The following GGPS1 variants were observed in gnomAD, a reference collection of about 807,000 sequenced individuals.
GGPS1 encodes the protein geranylgeranyl diphosphate synthase 1.
A neutral mutation model predicts 28.1 loss-of-function variants in GGPS1; 15 were observed. That is an observed-to-expected ratio of 0.53 (90% CI 0.36 to 0.82). The LOEUF is 0.82. GGPS1 is among the 40% of genes least tolerant of loss of function. GGPS1 has a pLI of 0.01. For missense variants in GGPS1, 284 were observed against 348.3 expected (o/e 0.82, Z 1.47); for synonymous variants, 138 against 122.4 (o/e 1.13, Z -0.84).
At position 235,343,106 on chromosome 1, in the gene GGPS1, C is replaced by A; in HGVS notation, c.*334C>A. On this transcript the variant is annotated 3_prime_UTR_variant, in exon 4 of 4. Coordinates refer to ENST00000282841, the MANE Select transcript of GGPS1 (RefSeq NM_004837.4). ...AGACTTGCTTCCAGGAATTTTTATC[C>A]ATACACTTTCTAACTGTACTATCTG... 5.2e-6 allele frequency: 1 copy of A among 191,008 alleles called. No homozygotes were observed. Among genetic ancestry groups the A allele is most frequent in the Non-Finnish European group, 1.2e-5 (1 of 84,098 alleles). 11.8% of individuals were successfully genotyped at this position (191,008 alleles called of 1,614,324 possible).
Position 235,342,626 on chromosome 1 carries a change from G to A in GGPS1, c.757G>A (p.Asp253Asn). The change falls in exon 4 of 4, where the codon GAT becomes AAT. Residue 253 changes from aspartate to asparagine, a missense_variant. Physicochemically the swap from Asp to Asn is conservative, Grantham distance 23 (BLOSUM62 1). Coordinates refer to ENST00000282841, the MANE Select transcript of GGPS1 (RefSeq NM_004837.4). ...IKKYCVHYLEDVGSFEYTRNT... is the reference protein window; with the variant it reads ...IKKYCVHYLENVGSFEYTRNT... ...AAAATACTGTGTACATTATCTTGAGGATGTAGGTTCTTTTGAATACACTCG... is the reference window on the plus strand; with the variant it reads ...AAAATACTGTGTACATTATCTTGAGAATGTAGGTTCTTTTGAATACACTCG... 6.2e-7 allele frequency: 1 copy of A among 1,611,554 alleles called. No homozygotes were observed. The highest frequency in any genetic ancestry group is 8.5e-7 in the Non-Finnish European group (1 of 1,177,676).
intron 1 of GGPS1, among the ~76,000 whole-genome samples, chr1:235,332,658 CTT>C (rs1174872404): frequency 2.0e-5 from 3 of 152,188 alleles, no homozygotes; most frequent in Admixed American, 2.0e-4. Context: ...AAAGTCTTGT[CTT>C]TGGTGGATTA....
At chr1:235,340,735 C>CAAAAAAA (rs1165162184) in intron 2 of GGPS1, among the ~76,000 whole-genome samples, 3 of 50,978 alleles carry the variant, frequency 5.9e-5, no homozygotes, top group African/African-American at 2.5e-4. Context: ...GACTCCGTCT[C>CAAAAAAA]AAAAAAAAAA....
chr1:235,340,564 G>A (rs1676006794), intron 2 of GGPS1, among the ~76,000 whole-genome samples: 1 of 150,436 alleles, frequency 6.6e-6, no homozygotes, highest in Non-Finnish European at 1.5e-5. Context: ...GTGAAACCCC[G>A]TCTCTACTAA....
At chr1:235,330,966 C>G (rs184746110) in intron 1 of GGPS1, among the ~76,000 whole-genome samples, 1 of 152,270 alleles carries the variant, frequency 6.6e-6, no homozygotes, top group Admixed American at 6.5e-5. Context: ...AATCTTTTAG[C>G]TAAGCCATTA....
chr1:235,340,653 G>A (rs1233732238), intron 2 of GGPS1, among the ~76,000 whole-genome samples: 1 of 140,350 alleles, frequency 7.1e-6, no homozygotes, highest in Non-Finnish European at 1.5e-5. Context: ...GGAGAATGGC[G>A]TGAACCCGGG....
rs373688757 is a variant in GGPS1 at position 235,335,358 on chromosome 1, A to G, written c.70+24A>G. The G allele has an allele frequency of 5.5e-6, 6 of 1,100,476 alleles. No homozygotes were observed. The African/African-American group carries it at 7.8e-5, about 14-fold the overall frequency. 68.2% of individuals were successfully genotyped at this position (1,100,476 alleles called of 1,614,324 possible). ...AGGTAATACTTCACTTACAGTCCAT[A>G]TAGGGTCATTTTCATGCAGTAGTGG... On this transcript the variant is annotated intron_variant, in intron 2 of 3. Transcript: ENST00000282841.
At chr1:235,330,547 C>G (rs1675680718) in intron 1 of GGPS1, 1 of 152,198 alleles carries the variant, frequency 6.6e-6, no homozygotes, top group African/African-American at 2.4e-5. Context: ...CTTATGTTTT[C>G]ATACCACTGA....
At position 235,342,727 on chromosome 1, in the gene GGPS1, C is replaced by T; in HGVS notation, c.858C>T (p.Ala286=). Residue 286 remains alanine, a synonymous_variant, in exon 4 of 4, where the codon GCC becomes GCT. Transcript: ENST00000282841. ...DARGGNPELV[A]LVKHLSKMFK... ...GTGGTGGGAACCCTGAGCTAGTAGC[C>T]TTAGTAAAACACTTAAGTAAGATGT... 1 of 1,599,776 alleles carries T rather than the reference C, an allele frequency of 6.3e-7. No homozygotes were observed. Among genetic ancestry groups the T allele is most frequent in the East Asian group, 2.2e-5 (1 of 44,802 alleles).
chr1:235,333,610 C>T (rs1237955528), intron 1 of GGPS1, among the ~76,000 whole-genome samples: 1 of 151,248 alleles, frequency 6.6e-6, no homozygotes, highest in East Asian at 1.9e-4. Context: ...CAGAATAACA[C>T]AAAGTACATG....
intron 2 of GGPS1, among the ~76,000 whole-genome samples, chr1:235,339,614 G>A (rs1192663205): frequency 2.6e-5 from 4 of 151,860 alleles, no homozygotes; most frequent in Non-Finnish European, 5.9e-5. Flanking sequence ...ACAAAAATTA[G>A]CCAGGTGTGG....
chr1:235,342,089 CGTGGCTTTCCA>C lies in GGPS1; in HGVS notation c.226_236del (p.Phe76ProfsTer28). ...TATTGAAGACAACTCAAAACTCCGA[CGTGGCTTTCCA>C]GTGGCCCACAGCATCTATGGAATCC... On this transcript the variant is annotated frameshift_variant, in exon 4 of 4. Coordinates refer to ENST00000282841, the MANE Select transcript of GGPS1 (RefSeq NM_004837.4). LOFTEE classifies it high-confidence loss of function. 1 of 1,612,346 alleles carries C rather than the reference CGTGGCTTTCCA, an allele frequency of 6.2e-7. No homozygotes were observed. Among genetic ancestry groups the C allele is most frequent in the South Asian group, 1.1e-5 (1 of 91,006 alleles).
chr1:235,342,384 A>T lies in GGPS1; in HGVS notation c.515A>T (p.Asp172Val). 6.2e-7 allele frequency: 1 copy of T among 1,614,178 alleles called. No individual in the cohort carries two copies. The highest frequency in any genetic ancestry group is 8.5e-7 in the Non-Finnish European group (1 of 1,179,972). ...LMQLFSDYKE[D>V]LKPLLNTLGL... is the part of the protein sequence containing the mutation. ...CAGTTGTTCTCTGATTACAAAGAAG[A>T]TTTAAAACCGCTACTTAATACACTT... is the stretch of plus-strand genomic sequence containing the variant. The change falls in exon 4 of 4, where the codon GAT becomes GTT. Residue 172 changes from aspartate to valine, a missense_variant. By Grantham distance (152) the Asp-to-Val change is radical (BLOSUM62 -3). Coordinates refer to ENST00000282841, the MANE Select transcript of GGPS1 (RefSeq NM_004837.4).
chr1:235,334,036 T>C (rs1675797435), intron 1 of GGPS1, among the ~76,000 whole-genome samples: 1 of 152,108 alleles, frequency 6.6e-6, no homozygotes, highest in African/African-American at 2.4e-5. Context: ...ACCATGAGTG[T>C]TATTCTAGGA....
Position 235,342,737 on chromosome 1 carries a change from CACTT to C in GGPS1, c.870_873del (p.His290GlnfsTer24), listed in dbSNP as rs765085239. 3.1e-5 allele frequency: 49 copies of C among 1,594,436 alleles called. No individual in the cohort carries two copies. The highest frequency in any genetic ancestry group is 4.0e-5 in the Non-Finnish European group (47 of 1,172,292). On this transcript the variant is annotated frameshift_variant, in exon 4 of 4. Coordinates refer to ENST00000282841, the MANE Select transcript of GGPS1 (RefSeq NM_004837.4). LOFTEE classifies it high-confidence loss of function. ...CCCTGAGCTAGTAGCCTTAGTAAAA[CACTT>C]AAGTAAGATGTTCAAAGAAGAAAAT...
intron 1 of GGPS1, chr1:235,329,392 G>C (rs1173780470): frequency 6.6e-6 from 1 of 152,284 alleles, no homozygotes; most frequent in Non-Finnish European, 1.5e-5. Context: ...GACAGATGCT[G>C]AACAAAACGA....
Position 235,343,278 on chromosome 1 carries a change from G to GATAAT in GGPS1, c.*506_*507insATAAT, listed in dbSNP as rs1422104032. On this transcript the variant is annotated 3_prime_UTR_variant, in exon 4 of 4. Coordinates refer to ENST00000282841, the MANE Select transcript of GGPS1 (RefSeq NM_004837.4). Reference sequence around the variant, plus strand: ...TCTATGAAAAGGCTGATAATGGGCTGGGCGCGGTGGCTCACGCCTGTAATC... The same window carrying GATAAT: ...TCTATGAAAAGGCTGATAATGGGCTGATAATGGCGCGGTGGCTCACGCCTGTAATC... 6.0e-6 allele frequency: 1 copy of GATAAT among 167,070 alleles called. No individual in the cohort carries two copies. Among genetic ancestry groups the GATAAT allele is most frequent in the Non-Finnish European group, 1.5e-5 (1 of 68,474 alleles). 10.3% of individuals were successfully genotyped at this position (167,070 alleles called of 1,614,324 possible).
At chr1:235,333,067 CA>C (rs5781828) in intron 1 of GGPS1, among the ~76,000 whole-genome samples, 12,842 of 43,606 alleles carry the variant, frequency 0.29, 317 homozygotes, top group South Asian at 0.42. Context: ...GACTCCGTCT[CA>C]AAAAAAAAAA....
rs60459599 is a variant in GGPS1 at position 235,343,529 on chromosome 1, T to C, written c.*757T>C. ...TAGTGCCTCTGCACTCCAGCCTGGGTGACAGAGCGAGACTCCGTCTCAAAA... is the reference window on the plus strand; with the variant it reads ...TAGTGCCTCTGCACTCCAGCCTGGGCGACAGAGCGAGACTCCGTCTCAAAA... On this transcript the variant is annotated 3_prime_UTR_variant, in exon 4 of 4. Coordinates refer to ENST00000282841, the MANE Select transcript of GGPS1 (RefSeq NM_004837.4). 6,998 of 165,150 alleles carry C rather than the reference T, an allele frequency of 0.042. 529 individuals carry two copies. Among genetic ancestry groups the C allele is most frequent in the African/African-American group, 0.15 (6,296 of 41,376 alleles). The allele number at this position is 165,150 out of a possible 1,614,324, so 10.2% of individuals were successfully genotyped here.
Sources: allele counts gnomAD v4.1 joint callset (sites outside exome capture counted in the v4.1 genomes callset), GRCh38; gene constraint gnomAD v4.1.1; transcripts MANE v1.5; gene names NCBI Gene and HGNC (gene_info 2026-07-23, HGNC 2026-07-21).